The following COL24A1 variants were observed in gnomAD, a reference collection of about 807,000 sequenced individuals.
COL24A1 encodes collagen type XXIV alpha 1 chain.
COL24A1 carries 224 observed loss-of-function variants against 253.9 expected under a neutral mutation model. That is an observed-to-expected ratio of 0.88 (90% CI 0.79 to 0.99). The LOEUF (loss-of-function observed/expected upper bound fraction) is 0.99. COL24A1 is among the 50% of genes least tolerant of loss of function. COL24A1 has a pLI of 0.00. For missense variants in COL24A1, 2,131 were observed against 2,068.5 expected (o/e 1.03, Z -0.59); for synonymous variants, 685 against 673.7 (o/e 1.02, Z -0.26).
chr1:85,889,744 T>G (rs1682909747), intron 31 of COL24A1, 131 bp from the exon 32 acceptor site: 1 of 736,542 alleles, frequency 1.4e-6, no homozygotes, highest in Non-Finnish European at 2.3e-6. Context: ...TTTTTTTTTT[T>G]GCTTTTGTGG....
At chr1:85,937,596 T>C (rs1157314889) in intron 24 of COL24A1, among the ~76,000 whole-genome samples, 1 of 147,490 alleles carries the variant, frequency 6.8e-6, no homozygotes, top group Non-Finnish European at 1.5e-5. Context: ...GGATGATGGA[T>C]ATATGAATGG....
intron 7 of COL24A1, among the ~76,000 whole-genome samples, chr1:86,074,070 C>A (rs1702069732): frequency 6.6e-6 from 1 of 152,116 alleles, no homozygotes; most frequent in African/African-American, 2.4e-5. Flanking sequence ...GGCAAAATAA[C>A]CAGCTAGCAT....
At chr1:85,857,657 G>T (rs1678599632) in intron 37 of COL24A1, among the ~76,000 whole-genome samples, 1 of 151,734 alleles carries the variant, frequency 6.6e-6, no homozygotes, top group African/African-American at 2.4e-5. Context: ...TGTTGGAAAG[G>T]AGTAAAAGAG....
intron 7 of COL24A1, among the ~76,000 whole-genome samples, chr1:86,075,016 C>T (rs1571839186): frequency 6.6e-6 from 1 of 151,962 alleles, no homozygotes; most frequent in African/African-American, 2.4e-5. Flanking sequence ...CAAAAGCTAG[C>T]AGAAGACAAG....
intron 20 of COL24A1, among the ~76,000 whole-genome samples, chr1:85,975,693 CCA>C (rs1692604380): frequency 6.6e-6 from 1 of 152,062 alleles, no homozygotes; most frequent in Admixed American, 6.6e-5. Flanking sequence ...GCTCCAAGAA[CCA>C]CTACAGTAAA....
chr1:86,123,810 C>A (rs923084579), intron 3 of COL24A1, among the ~76,000 whole-genome samples: 3 of 151,880 alleles, frequency 2.0e-5, no homozygotes, highest in African/African-American at 7.2e-5. Flanking sequence ...TTTACTCTAG[C>A]AAGAGTGACT....
At chr1:86,113,948 C>T (rs6663055) in intron 4 of COL24A1, among the ~76,000 whole-genome samples, 22,309 of 150,218 alleles carry the variant, frequency 0.15, 1,780 homozygotes, top group South Asian at 0.24. Context: ...TGGAAAACAT[C>T]TATGGGGATT....
In COL24A1 at chr1:86,092,276, AG is replaced by A; in HGVS notation, c.1643del (p.Pro548LeufsTer12). 1 of 1,600,364 alleles carries A rather than the reference AG, an allele frequency of 6.2e-7. No individual in the cohort carries two copies. The highest frequency in any genetic ancestry group is 2.2e-5 in the East Asian group (1 of 44,682). On this transcript the variant is annotated frameshift_variant, in exon 6 of 60. Transcript: ENST00000370571. LOFTEE classifies it high-confidence loss of function. The part of the protein sequence containing the change: ...DPGFSPGQPV[P>X]GEKGDQGLSG... ...ATGGTCAAATAATTACCTTTTCTCC[AG>A]GAACAGGTTGACCTGGGGAAAATCC...
chr1:85,970,664 C>A (rs1692068698), intron 21 of COL24A1, among the ~76,000 whole-genome samples: 1 of 152,066 alleles, frequency 6.6e-6, no homozygotes, highest in Non-Finnish European at 1.5e-5. Context: ...ATACAGACCT[C>A]CCTAGAATCA....
At chr1:85,802,106 G>A (rs922218907) in intron 47 of COL24A1, among the ~76,000 whole-genome samples, 4 of 152,156 alleles carry the variant, frequency 2.6e-5, no homozygotes, top group Non-Finnish European at 5.9e-5. Flanking sequence ...AGTCTTATTA[G>A]TCTTCTGCAT....
At chr1:85,980,871 T>G (rs1228773039) in intron 20 of COL24A1, among the ~76,000 whole-genome samples, 1 of 151,964 alleles carries the variant, frequency 6.6e-6, no homozygotes, top group African/African-American at 2.4e-5. Flanking sequence ...ATCACGCCAC[T>G]GCACTCCAGC....
rs571783514 is a variant in COL24A1 at position 86,019,832 on chromosome 1, C to T, written c.2256+2408G>A. Among the ~76,000 whole-genome samples the T allele has an allele frequency of 3.3e-5, 5 of 151,970 alleles. No homozygotes were observed. The South Asian group carries it at 1.0e-3, about 32-fold the overall frequency. On this transcript the variant is annotated intron_variant, in intron 18 of 59. Transcript: ENST00000370571. ...GCCTCACTCTCACTGTCTCTTGCTCCCTGCCCTAAAAGAACATCATTAGCA... is the reference window on the plus strand; with the variant it reads ...GCCTCACTCTCACTGTCTCTTGCTCTCTGCCCTAAAAGAACATCATTAGCA...
intron 24 of COL24A1, among the ~76,000 whole-genome samples, chr1:85,924,576 A>T (rs1446636914): frequency 5.3e-5 from 8 of 152,236 alleles, no homozygotes; most frequent in African/African-American, 1.9e-4. Flanking sequence ...AAACCACATG[A>T]TTATCTCAAT....
At chr1:85,800,614 A>C (rs1258527091) in intron 47 of COL24A1, among the ~76,000 whole-genome samples, 1 of 148,800 alleles carries the variant, frequency 6.7e-6, no homozygotes, top group African/African-American at 2.6e-5. Flanking sequence ...GGAAGCCAGA[A>C]TTTGAACACT....
chr1:86,156,427 TA>T lies in COL24A1; in HGVS notation c.-32del. 6.2e-7 allele frequency: 1 copy of T among 1,603,410 alleles called. No individual in the cohort carries two copies. ...TGCATTTGTCCGTGCAGCAAAGCGCTAACGGAAAACAGAAGCCAACTCTGAA... is the reference window on the plus strand; with the variant it reads ...TGCATTTGTCCGTGCAGCAAAGCGCTACGGAAAACAGAAGCCAACTCTGAA... On this transcript the variant is annotated 5_prime_UTR_variant, in exon 1 of 60. The change abolishes the stop of an existing upstream ORF in the 5' untranslated region. Coordinates refer to ENST00000370571, the MANE Select transcript of COL24A1 (RefSeq NM_152890.7).
chr1:85,956,344 G>A (rs1230854945), intron 24 of COL24A1, among the ~76,000 whole-genome samples: 2 of 152,140 alleles, frequency 1.3e-5, no homozygotes, highest in African/African-American at 4.8e-5. Flanking sequence ...AGTCATGAGA[G>A]GGTTTATGAT....
At chr1:85,826,903 T>C (rs1032505850) in intron 43 of COL24A1, among the ~76,000 whole-genome samples, 14 of 152,208 alleles carry the variant, frequency 9.2e-5, no homozygotes, top group African/African-American at 2.9e-4. Context: ...TTTTCCTAAC[T>C]GAATACCCTT....
chr1:86,058,126 G>T, intron 9 of COL24A1, 151 bp from the exon 10 acceptor site: 1 of 515,144 alleles, frequency 1.9e-6, no homozygotes. Context: ...CAATGTTCAA[G>T]GAATTTTAGA....
At chr1:86,023,528 C>A (rs918096894) in intron 14 of COL24A1, among the ~76,000 whole-genome samples, 3 of 151,988 alleles carry the variant, frequency 2.0e-5, no homozygotes, top group African/African-American at 7.2e-5. Context: ...CAGAGGCAAA[C>A]AAAAAGCTCT....
Sources: allele counts gnomAD v4.1 joint callset (sites outside exome capture counted in the v4.1 genomes callset), GRCh38; gene constraint gnomAD v4.1.1; transcripts MANE v1.5; gene names NCBI Gene and HGNC (gene_info 2026-07-23, HGNC 2026-07-21).